The following OSBPL9 variants were observed in gnomAD, a reference collection of about 807,000 sequenced individuals.
OSBPL9 encodes oxysterol binding protein like 9.
A neutral mutation model predicts 106.6 loss-of-function variants in OSBPL9; 40 were observed. The observed-to-expected ratio is 0.38, with a 90% confidence interval of 0.29 to 0.49. The LOEUF (loss-of-function observed/expected upper bound fraction) is 0.49. OSBPL9 is among the 20% of genes least tolerant of loss of function. OSBPL9 has a pLI of 0.97. For missense variants in OSBPL9, 609 were observed against 887.2 expected, an observed-to-expected ratio of 0.69 and a Z score of 3.98; for synonymous variants, 269 against 295.4, an observed-to-expected ratio of 0.91 and a Z score of 0.92.
At chr1:51,531,036 G>A in the OSBPL9 span, among the ~76,000 whole-genome samples, 1 of 152,086 alleles carries the variant, frequency 6.6e-6, no homozygotes, top group African/African-American at 2.4e-5. Flanking sequence ...CACTTTGGGA[G>A]GCCGAGACAG....
At chr1:51,762,056 G>T in intron 11 of OSBPL9, 85 bp downstream of exon 11, 1 of 942,888 alleles carries the variant, frequency 1.1e-6, no homozygotes. Context: ...GAGGGGGAAA[G>T]TTGAAGAAAT....
At chr1:51,719,877 A>G (rs1661752211) in intron 4 of OSBPL9, among the ~76,000 whole-genome samples, 1 of 152,242 alleles carries the variant, frequency 6.6e-6, no homozygotes, top group Admixed American at 6.5e-5. Context: ...TTGCCTTGCT[A>G]AAAGTGGGTC....
At chr1:51,640,548 T>C (rs550505985) in intron 1 of OSBPL9, among the ~76,000 whole-genome samples, 22 of 152,294 alleles carry the variant, frequency 1.4e-4, no homozygotes, top group Middle Eastern at 3.4e-3. Flanking sequence ...AAAATTTGAT[T>C]GAAGAGGACT....
intron 3 of OSBPL9, among the ~76,000 whole-genome samples, chr1:51,678,698 A>G (rs1651859117): frequency 6.6e-6 from 1 of 152,212 alleles, no homozygotes; most frequent in East Asian, 1.9e-4. Flanking sequence ...AATTACTACA[A>G]ATAAACCAGT....
At chr1:51,573,785 G>A (rs79099507), upstream of OSBPL9, among the ~76,000 whole-genome samples, 221 of 148,346 alleles carry the variant, frequency 1.5e-3, 9 homozygotes, top group East Asian at 0.037. Context: ...TTGCACTCCA[G>A]TCTGAGCGAC....
chr1:51,547,941 G>A, the OSBPL9 span, among the ~76,000 whole-genome samples: 1 of 151,648 alleles, frequency 6.6e-6, no homozygotes, highest in African/African-American at 2.4e-5. Flanking sequence ...TAAGTAGTGT[G>A]ATTAATTAAA....
intron 10 of OSBPL9, 56 bp from the exon 11 acceptor site, chr1:51,761,811 A>G (rs1671564379): frequency 7.6e-7 from 1 of 1,318,224 alleles, no homozygotes. Flanking sequence ...ATTACAGTCA[A>G]TAGAATGTGT....
In OSBPL9 at chr1:51,648,580, C is replaced by T. The variant is rs181332031; in HGVS notation, c.112-3411C>T. ...TCACACCAGCTTCCCTATAGCCCCG[C>T]ATTAAAGCTGAGTGGAGAGAGGGAG... On this transcript the variant is annotated intron_variant, in intron 1 of 23. Transcript: ENST00000428468. Among the ~76,000 whole-genome samples the T allele has an allele frequency of 4.7e-4, 71 of 152,212 alleles. 3 individuals carry two copies. In the South Asian group the frequency reaches 0.012, roughly 25 times the overall value.
intron 8 of OSBPL9, among the ~76,000 whole-genome samples, chr1:51,755,509 G>T (rs80270051): frequency 0.015 from 2,262 of 152,254 alleles, 24 homozygotes; most frequent in Non-Finnish European, 0.024. Context: ...TTGAGTTTTG[G>T]TTTTTTCCCA....
upstream of OSBPL9, among the ~76,000 whole-genome samples, chr1:51,616,003 GT>G (rs764823727): frequency 0.041 from 4,301 of 104,350 alleles, 20 homozygotes; most frequent in East Asian, 0.081. Context: ...AAATCCTTTG[GT>G]TTTTTTTTTT....
chr1:51,679,994 A>C (rs554549654), intron 3 of OSBPL9, among the ~76,000 whole-genome samples: 2 of 152,282 alleles, frequency 1.3e-5, no homozygotes, highest in Admixed American at 6.5e-5. Context: ...TCTTCCTATG[A>C]TAAAGGGGGA....
At chr1:51,742,436 G>A (rs12090677) in intron 4 of OSBPL9, among the ~76,000 whole-genome samples, 167 of 152,170 alleles carry the variant, frequency 1.1e-3, no homozygotes, top group African/African-American at 3.7e-3. Context: ...AAACTCGGCC[G>A]GGCGCATTGG....
Position 51,765,840 on chromosome 1 carries a change from C to G in OSBPL9, c.797C>G (p.Pro266Arg). The change falls in exon 12 of 24, where the codon CCG becomes CGG. Residue 266 changes from proline to arginine, a missense_variant. This residue lies in a region of OSBPL9 where 356 missense variants were observed against 505.8 expected (regional missense o/e 0.70). Coordinates refer to ENST00000428468, the MANE Select transcript of OSBPL9 (RefSeq NM_024586.6). ...TTCCTAGGCAGTGGCCATTCACCAC[C>G]GAGTAGCAGTCTCACTTCTCCAAGC... ...PNSTGSGHSP[P>R]SSSLTSPSHV... 1 of 1,613,316 alleles carries G rather than the reference C, an allele frequency of 6.2e-7. No homozygotes were observed. Among genetic ancestry groups the G allele is most frequent in the South Asian group, 1.1e-5 (1 of 90,924 alleles).
intron 1 of OSBPL9, among the ~76,000 whole-genome samples, chr1:51,587,700 C>T (rs1284889313): frequency 6.6e-6 from 1 of 152,194 alleles, no homozygotes; most frequent in Non-Finnish European, 1.5e-5. Flanking sequence ...AAAACCCCCA[C>T]CTTGTGTCAT....
At chr1:51,771,951 T>C (rs1673997731) in intron 12 of OSBPL9, 119 bp from the exon 13 acceptor site, 1 of 674,588 alleles carries the variant, frequency 1.5e-6, no homozygotes, top group Admixed American at 3.1e-5. Flanking sequence ...GACCTTGTCA[T>C]CAAGAGAATT....
chr1:51,669,341 C>T (rs961298467), intron 2 of OSBPL9, 93 bp from the exon 3 acceptor site: 14 of 1,003,654 alleles, frequency 1.4e-5, no homozygotes, highest in Admixed American at 2.2e-5. Flanking sequence ...CTTCCAGTGT[C>T]GTTGGTGCAT....
intron 1 of OSBPL9, among the ~76,000 whole-genome samples, chr1:51,582,629 C>CA (rs1645227183): frequency 6.6e-6 from 1 of 152,068 alleles, no homozygotes; most frequent in Admixed American, 6.6e-5. Context: ...CACACCTGGC[C>CA]AACAGTCTTT....
chr1:51,555,609 C>G, the OSBPL9 span, among the ~76,000 whole-genome samples: 1 of 151,934 alleles, frequency 6.6e-6, no homozygotes, highest in African/African-American at 2.4e-5. Context: ...GCTCTGTCGC[C>G]CAGGCTGGAG....
intron 3 of OSBPL9, among the ~76,000 whole-genome samples, chr1:51,673,165 C>T (rs1051308663): frequency 1.3e-5 from 2 of 152,138 alleles, no homozygotes; most frequent in East Asian, 1.9e-4. Flanking sequence ...GAATGTGGTA[C>T]TTTGGAAGCC....
Sources: gnomAD v4.1 joint callset for allele counts (sites outside exome capture counted in the v4.1 genomes callset) on GRCh38, gnomAD v4.1.1 for gene constraint, gnomAD v4.1.1 regional missense constraint, MANE v1.5 for transcripts, NCBI Gene and HGNC (gene_info 2026-07-23, HGNC 2026-07-21) for gene names.